TBC1D19: variants seen among roughly 807,000 people sequenced by gnomAD.
TBC1D19 encodes the protein TBC1 domain family member 19.
In TBC1D19, 60 loss-of-function variants were observed where a neutral mutation model predicts 89.0. That is an observed-to-expected ratio of 0.67 (90% CI 0.55 to 0.84). The LOEUF (loss-of-function observed/expected upper bound fraction) is 0.84. TBC1D19 is among the 40% of genes least tolerant of loss of function. The pLI, the probability that TBC1D19 is intolerant of heterozygous loss-of-function variation, is 0.00. For missense variants in TBC1D19, 500 were observed against 610.8 expected, an observed-to-expected ratio of 0.82 and a Z score of 1.91; for synonymous variants, 189 against 199.7, an observed-to-expected ratio of 0.95 and a Z score of 0.45.
chr4:26,624,965 G>T (rs2110044239), intron 4 of TBC1D19, among the ~76,000 whole-genome samples: 1 of 152,150 alleles, frequency 6.6e-6, no homozygotes, highest in Middle Eastern at 3.4e-3. Context: ...TAATGAAAAA[G>T]AAGCTTTAAA....
intron 13 of TBC1D19, among the ~76,000 whole-genome samples, chr4:26,691,352 C>T (rs1714267586): frequency 1.3e-5 from 2 of 152,074 alleles, no homozygotes; most frequent in Non-Finnish European, 2.9e-5. Flanking sequence ...AGGGTTCAAG[C>T]GAATTGACTC....
intron 13 of TBC1D19, among the ~76,000 whole-genome samples, chr4:26,711,365 T>A (rs970409869): frequency 6.6e-6 from 1 of 152,118 alleles, no homozygotes; most frequent in African/African-American, 2.4e-5. Context: ...TTTGAAATTT[T>A]CTAAATTTGG....
At chr4:26,592,553 T>A (rs1739890459) in intron 1 of TBC1D19, among the ~76,000 whole-genome samples, 1 of 152,194 alleles carries the variant, frequency 6.6e-6, no homozygotes, top group Non-Finnish European at 1.5e-5. Context: ...AAATTGTCCC[T>A]GTTTGCAGAT....
chr4:26,720,602 C>T (rs1716909418), intron 15 of TBC1D19, among the ~76,000 whole-genome samples: 1 of 152,082 alleles, frequency 6.6e-6, no homozygotes, highest in South Asian at 2.1e-4. Flanking sequence ...ATATAATGAC[C>T]TCATTAGACA....
the TBC1D19 span, among the ~76,000 whole-genome samples, chr4:26,780,028 A>G: frequency 6.6e-6 from 1 of 152,192 alleles, no homozygotes. Flanking sequence ...GGAATCCTCA[A>G]CAGCCTTAGC....
At chr4:26,837,738 G>A in the TBC1D19 span, among the ~76,000 whole-genome samples, 4 of 152,188 alleles carry the variant, frequency 2.6e-5, no homozygotes, top group Admixed American at 2.6e-4. Context: ...CTAAGGGCAA[G>A]AGTAGAGAAG....
At chr4:26,858,796 T>C in the TBC1D19 span, 1 of 152,348 alleles carries the variant, frequency 6.6e-6, no homozygotes, top group East Asian at 1.9e-4. Flanking sequence ...CCCTAGTTCC[T>C]TTCCGGTTCC....
At chr4:26,660,675 G>A (rs1402619415) in intron 8 of TBC1D19, among the ~76,000 whole-genome samples, 2 of 152,082 alleles carry the variant, frequency 1.3e-5, no homozygotes, top group African/African-American at 4.8e-5. Context: ...GGATGCAGGA[G>A]GTTCAATAAC....
intron 13 of TBC1D19, among the ~76,000 whole-genome samples, chr4:26,709,042 TC>T (rs930149423): frequency 6.6e-6 from 1 of 151,958 alleles, no homozygotes; most frequent in Admixed American, 6.6e-5. Flanking sequence ...TTATTTGTGA[TC>T]TTGTTGTTGT....
chr4:26,790,369 A>G, the TBC1D19 span, among the ~76,000 whole-genome samples: 20 of 152,198 alleles, frequency 1.3e-4, no homozygotes, highest in African/African-American at 4.6e-4. Context: ...GAGTAAAAAT[A>G]AATTTTATTG....
chr4:26,827,933 T>C, the TBC1D19 span, among the ~76,000 whole-genome samples: 1 of 152,136 alleles, frequency 6.6e-6, no homozygotes, highest in African/African-American at 2.4e-5. Context: ...GACAAATCCA[T>C]ATCTGAAAAT....
chr4:26,794,146 A>G, the TBC1D19 span, among the ~76,000 whole-genome samples: 2 of 152,208 alleles, frequency 1.3e-5, no homozygotes, highest in African/African-American at 2.4e-5. Context: ...AGAAATATTG[A>G]TATCTGTTCT....
At chr4:26,703,597 CAT>C (rs1312740246) in intron 13 of TBC1D19, among the ~76,000 whole-genome samples, 1 of 152,256 alleles carries the variant, frequency 6.6e-6, no homozygotes, top group East Asian at 1.9e-4. Flanking sequence ...AATTAGATGT[CAT>C]GTGGCATTGC....
At position 26,630,646 on chromosome 4, in the gene TBC1D19, C is replaced by T. The variant is rs559918487; in HGVS notation, c.295-6565C>T. On this transcript the variant is annotated intron_variant, in intron 4 of 20. Transcript: ENST00000264866. ...ACTCTGGCAAGTGTTCACTTCTCAT[C>T]TCCTTTTGCTCCAGGACTTCTGGAA... Among the ~76,000 whole-genome samples, 44 of 152,100 alleles carry T rather than the reference C, an allele frequency of 2.9e-4. No individual in the cohort carries two copies. In the South Asian group the frequency reaches 8.7e-3, roughly 30 times the overall value.
chr4:26,788,160 G>T, the TBC1D19 span, among the ~76,000 whole-genome samples: 1 of 152,216 alleles, frequency 6.6e-6, no homozygotes, highest in South Asian at 2.1e-4. Flanking sequence ...GTGACTATGG[G>T]ATCCCAGGGG....
downstream of TBC1D19, among the ~76,000 whole-genome samples, chr4:26,758,321 G>C (rs1276082724): frequency 2.0e-5 from 3 of 152,170 alleles, no homozygotes; most frequent in African/African-American, 7.2e-5. Context: ...TGTATCCCTT[G>C]ACCTACTCAG....
chr4:26,858,760 C>T, the TBC1D19 span: 1 of 151,968 alleles, frequency 6.6e-6, no homozygotes, highest in Admixed American at 6.5e-5. Flanking sequence ...CCTTCCTGGC[C>T]TTGGTCTTTT....
At chr4:26,646,954 A>G (rs1744012337) in intron 7 of TBC1D19, among the ~76,000 whole-genome samples, 1 of 152,176 alleles carries the variant, frequency 6.6e-6, no homozygotes, top group Non-Finnish European at 1.5e-5. Context: ...AATGAAAAAG[A>G]ATAGTGACTG....
At chr4:26,588,225 C>T (rs1259704667) in intron 1 of TBC1D19, among the ~76,000 whole-genome samples, 1 of 151,946 alleles carries the variant, frequency 6.6e-6, no homozygotes, top group Non-Finnish European at 1.5e-5. Flanking sequence ...CAGGATTTCA[C>T]CGTGTTAGCC....
Sources: allele counts gnomAD v4.1 joint callset (sites outside exome capture counted in the v4.1 genomes callset), GRCh38; gene constraint gnomAD v4.1.1; transcripts MANE v1.5; gene names NCBI Gene and HGNC (gene_info 2026-07-23, HGNC 2026-07-21).